The following CHIC2 variants were observed in gnomAD, a reference collection of about 807,000 sequenced individuals.
CHIC2 encodes the protein cysteine-rich hydrophobic domain-containing protein 2.
Under a neutral mutation model 25.9 loss-of-function variants are expected in CHIC2, and 14 were observed. The ratio of observed to expected loss-of-function variants is 0.54; its 90% CI spans 0.36 to 0.85. CHIC2 has a LOEUF of 0.85. Among genes scored for constraint, CHIC2 ranks in the 40% least tolerant of loss-of-function variants. The probability of loss-of-function intolerance (pLI) is 0.01; values close to 1 mark genes in which losing one functional copy is unlikely to be tolerated. For missense variants in CHIC2, 146 were observed against 202.0 expected (o/e 0.72, Z 1.68); for synonymous variants, 70 against 72.0 (o/e 0.97, Z 0.14).
intron 3 of CHIC2, among the ~76,000 whole-genome samples, chr4:54,019,602 C>T (rs1232284234): frequency 6.6e-6 from 1 of 152,002 alleles, no homozygotes. Flanking sequence ...GATTCTCTCT[C>T]TGCAGAAAAA....
intron 1 of CHIC2, among the ~76,000 whole-genome samples, chr4:54,057,893 G>A (rs778388089): frequency 1.3e-5 from 2 of 152,154 alleles, no homozygotes; most frequent in Non-Finnish European, 2.9e-5. Flanking sequence ...AAGGCTGGTT[G>A]GTTGTTTTGC....
chr4:54,058,456 G>A (rs1265353110), intron 1 of CHIC2, among the ~76,000 whole-genome samples: 3 of 151,590 alleles, frequency 2.0e-5, no homozygotes, highest in Non-Finnish European at 2.9e-5. Flanking sequence ...ATGTCTGATA[G>A]AATCACATAA....
chr4:54,088,238 C>T, the CHIC2 span, among the ~76,000 whole-genome samples: 1 of 151,934 alleles, frequency 6.6e-6, no homozygotes, highest in East Asian at 1.9e-4. Context: ...TCTGCAAATC[C>T]GTCTATGTTG....
chr4:54,025,687 C>T (rs556173212), intron 3 of CHIC2, among the ~76,000 whole-genome samples: 96 of 151,756 alleles, frequency 6.3e-4, no homozygotes, highest in African/African-American at 2.3e-3. Context: ...GGTGAAAACC[C>T]ATGTCTACAA....
intron 3 of CHIC2, among the ~76,000 whole-genome samples, chr4:54,037,783 A>C (rs1252390376): frequency 6.6e-6 from 1 of 152,296 alleles, no homozygotes; most frequent in East Asian, 1.9e-4. Context: ...AAATATTTGG[A>C]GGTTAAACAA....
Position 54,009,973 on chromosome 4 carries a change from A to G in CHIC2, c.*122T>C, listed in dbSNP as rs1715534079. 1 of 597,592 alleles carries G rather than the reference A, an allele frequency of 1.7e-6. No individual in the cohort carries two copies. Among genetic ancestry groups the G allele is most frequent in the Non-Finnish European group, 2.8e-6 (1 of 353,120 alleles). 37.0% of individuals were successfully genotyped at this position (597,592 alleles called of 1,614,324 possible). On this transcript the variant is annotated 3_prime_UTR_variant, in exon 6 of 6. Transcript: ENST00000263921. Reference sequence around the variant, plus strand: ...GTTATTTAAAAAAAAAACAAAAACAAAAACAAAAAAAACACCACACGATTC... The same window carrying G: ...GTTATTTAAAAAAAAAACAAAAACAGAAACAAAAAAAACACCACACGATTC...
At chr4:54,046,847 T>C (rs1482340737) in intron 3 of CHIC2, among the ~76,000 whole-genome samples, 1 of 152,124 alleles carries the variant, frequency 6.6e-6, no homozygotes, top group Non-Finnish European at 1.5e-5. Context: ...GAAACTACCA[T>C]CAGAGTGAAC....
intron 5 of CHIC2, among the ~76,000 whole-genome samples, chr4:54,011,704 T>A (rs1462219082): frequency 6.6e-6 from 1 of 152,028 alleles, no homozygotes; most frequent in Non-Finnish European, 1.5e-5. Context: ...AGTTTTTAAA[T>A]AATATATTCT....
chr4:54,055,654 G>A (rs573775588), intron 1 of CHIC2, among the ~76,000 whole-genome samples: 1 of 152,260 alleles, frequency 6.6e-6, no homozygotes, highest in South Asian at 2.1e-4. Flanking sequence ...TGAACATATT[G>A]GTTATGCAGA....
the CHIC2 span, among the ~76,000 whole-genome samples, chr4:54,077,905 A>G: frequency 3.3e-5 from 5 of 152,312 alleles, no homozygotes; most frequent in Admixed American, 6.5e-5. Flanking sequence ...ATGAATGTTG[A>G]CTAAATCAGA....
At chr4:54,042,044 A>C (rs1377381366) in intron 3 of CHIC2, among the ~76,000 whole-genome samples, 1 of 151,696 alleles carries the variant, frequency 6.6e-6, no homozygotes, top group Non-Finnish European at 1.5e-5. Flanking sequence ...AATCCAAATT[A>C]TTTTGCCTCC....
chr4:54,041,533 T>C (rs1577976572), intron 3 of CHIC2, among the ~76,000 whole-genome samples: 1 of 152,124 alleles, frequency 6.6e-6, no homozygotes, highest in Admixed American at 6.6e-5. Context: ...TGCACCTTCA[T>C]CACTTAAAGA....
At chr4:54,050,156 T>C (rs13144454) in intron 1 of CHIC2, among the ~76,000 whole-genome samples, 52,512 of 151,960 alleles carry the variant, frequency 0.35, 9,404 homozygotes, top group Middle Eastern at 0.43. Context: ...CAGGCTTTTA[T>C]GGCTTTTACA....
rs1025608014 is a variant in CHIC2, at chr4:54,010,213, T to G, written c.448-68A>C. The G allele has an allele frequency of 2.7e-6, 3 of 1,099,188 alleles. No homozygotes were observed. In the African/African-American group the frequency reaches 4.8e-5, roughly 18 times the overall value. The allele number at this position is 1,099,188 out of a possible 1,614,324, so 68.1% of individuals were successfully genotyped here. On this transcript the variant is annotated intron_variant, in intron 5 of 5. Transcript: ENST00000263921. Reference sequence around the variant, plus strand: ...ATTTTTTCTTAAAACTTCAATTATATGCTTTCACAATTTTTTTGAAAATCC... The same window carrying G: ...ATTTTTTCTTAAAACTTCAATTATAGGCTTTCACAATTTTTTTGAAAATCC...
intron 3 of CHIC2, among the ~76,000 whole-genome samples, chr4:54,039,064 T>G (rs1046117978): frequency 6.6e-6 from 1 of 151,274 alleles, no homozygotes; most frequent in Non-Finnish European, 1.5e-5. Context: ...TAGAAAGTGA[T>G]ATGCAAAAAA....
chr4:54,030,666 A>ATTTTTT (rs201197122), intron 3 of CHIC2, among the ~76,000 whole-genome samples: 1 of 134,686 alleles, frequency 7.4e-6, no homozygotes, highest in African/African-American at 2.8e-5. Flanking sequence ...TAAAATGCTA[A>ATTTTTT]TTTTTTTTTT....
intron 5 of CHIC2, among the ~76,000 whole-genome samples, chr4:54,012,638 C>T (rs186186113): frequency 6.6e-6 from 1 of 152,042 alleles, no homozygotes; most frequent in Admixed American, 6.6e-5. Flanking sequence ...TATACATAAA[C>T]CCTCTATCTA....
chr4:54,078,718 T>C, the CHIC2 span, among the ~76,000 whole-genome samples: 1 of 151,836 alleles, frequency 6.6e-6, no homozygotes, highest in Non-Finnish European at 1.5e-5. Flanking sequence ...TTTCGCCATG[T>C]TGGCCAGGCT....
intron 1 of CHIC2, among the ~76,000 whole-genome samples, chr4:54,063,303 T>C (rs1276007709): frequency 2.6e-5 from 4 of 152,200 alleles, no homozygotes; most frequent in African/African-American, 9.7e-5. Flanking sequence ...TGAGAGAGTA[T>C]CAATGTAATA....
Sources: allele counts gnomAD v4.1 joint callset (sites outside exome capture counted in the v4.1 genomes callset), GRCh38; gene constraint gnomAD v4.1.1; transcripts MANE v1.5; gene names NCBI Gene and HGNC (gene_info 2026-07-23, HGNC 2026-07-21).